The following GREM2 variants were observed in gnomAD, a reference collection of about 807,000 sequenced individuals.
GREM2 encodes the protein gremlin 2, DAN family BMP antagonist, also known as gremlin-2.
A neutral mutation model predicts 14.2 loss-of-function variants in GREM2; 11 were observed. The observed-to-expected ratio is 0.78, with a 90% CI of 0.49 to 1.28. The LOEUF (loss-of-function observed/expected upper bound fraction) is 1.28. Ranked by LOEUF, GREM2 falls within the 50% of genes most tolerant of loss-of-function variation. GREM2 has a pLI of 0.00. For missense variants in GREM2, 210 were observed against 218.5 expected, an observed-to-expected ratio of 0.96 and a Z score of 0.24; for synonymous variants, 98 against 97.6, an observed-to-expected ratio of 1.00 and a Z score of -0.02.
At position 240,593,148 on chromosome 1, in the gene GREM2, A is replaced by C. The variant is rs939806457; in HGVS notation, c.-2+18736T>G. 6.4e-4 allele frequency among the ~76,000 whole-genome samples: 97 copies of C among 152,008 alleles called. 2 individuals are homozygous for C. Among genetic ancestry groups the C allele is most frequent in the Non-Finnish European group, 1.2e-4 (8 of 68,018 alleles). ...AACAAGAGTGAAACTCCATCTCAAG[A>C]AAAGAAAAAAATAAAATAAAATAAA... On this transcript the variant is annotated intron_variant, in intron 1 of 1. Coordinates refer to ENST00000318160, the MANE Select transcript of GREM2 (RefSeq NM_022469.4).
chr1:240,579,691 G>A (rs1030282794), intron 1 of GREM2, among the ~76,000 whole-genome samples: 1 of 152,160 alleles, frequency 6.6e-6, no homozygotes, highest in Non-Finnish European at 1.5e-5. Flanking sequence ...AAATGCTCAG[G>A]GAGTGCCAAC....
chr1:240,545,415 TTAAACG>T (rs1388921116), intron 1 of GREM2, among the ~76,000 whole-genome samples: 7 of 152,236 alleles, frequency 4.6e-5, no homozygotes, highest in Non-Finnish European at 1.0e-4. Flanking sequence ...AATAAACCAG[TTAAACG>T]TAAGTAAAGT....
In GREM2 at chr1:240,535,798, C is replaced by CAA. The variant is rs71170755; in HGVS notation, c.-1-42324_-1-42323dup. On this transcript the variant is annotated intron_variant, in intron 1 of 1. Transcript: ENST00000318160. Reference sequence around the variant, plus strand: ...TAGATGATAAAGGGAGACTCCATCGCAAAAAAAAAAAAAAGAAAGAAAAAA... The same window carrying CAA: ...TAGATGATAAAGGGAGACTCCATCGCAAAAAAAAAAAAAAAAGAAAGAAAAAA... Among the ~76,000 whole-genome samples the CAA allele has an allele frequency of 5.5e-3, 712 of 129,568 alleles. 7 individuals are homozygous for CAA. The highest frequency in any genetic ancestry group is 0.014 in the African/African-American group (496 of 34,254). The allele number at this position is 129,568 out of a possible 152,430, so 85.0% of individuals were successfully genotyped here. A position where few individuals can be genotyped will look rare whatever the true frequency, so the allele number is the denominator to read the frequency against.
intron 1 of GREM2, among the ~76,000 whole-genome samples, chr1:240,586,986 T>C (rs558581817): frequency 6.6e-6 from 1 of 152,300 alleles, no homozygotes; most frequent in South Asian, 2.1e-4. Context: ...TGGAAATATA[T>C]ATAACATACA....
Position 240,548,374 on chromosome 1 carries a change from C to G in GREM2, c.-1-54898G>C, listed in dbSNP as rs1317335125. Among the ~76,000 whole-genome samples, 5 of 152,112 alleles carry G rather than the reference C, an allele frequency of 3.3e-5. No homozygotes were observed. In the East Asian group the frequency reaches 7.7e-4, roughly 23 times the overall value. The stretch of plus-strand genomic sequence containing the variant: ...AAGACTCTAAAATTTTCTTCTTAAA[C>G]AACTCCCCATGTCTTTTCCAATTCT... On this transcript the variant is annotated intron_variant, in intron 1 of 1. Coordinates refer to ENST00000318160, the MANE Select transcript of GREM2 (RefSeq NM_022469.4).
chr1:240,534,599 AG>A (rs777309343), intron 1 of GREM2, among the ~76,000 whole-genome samples: 26 of 151,754 alleles, frequency 1.7e-4, no homozygotes, highest in Non-Finnish European at 3.4e-4. Context: ...AGGCTGAGGC[AG>A]GAGAATCACT....
At chr1:240,552,064 A>G (rs1417340814) in intron 1 of GREM2, among the ~76,000 whole-genome samples, 1 of 152,190 alleles carries the variant, frequency 6.6e-6, no homozygotes, top group East Asian at 1.9e-4. Context: ...TACTTCATAT[A>G]CTGGATGACC....
chr1:240,510,142 G>A (rs1432580912), intron 1 of GREM2, among the ~76,000 whole-genome samples: 3 of 152,066 alleles, frequency 2.0e-5, no homozygotes, highest in Non-Finnish European at 4.4e-5. Context: ...GGCCGAGGCG[G>A]GCGGATCACG....
At chr1:240,509,360 A>ATTTTT (rs564246660) in intron 1 of GREM2, among the ~76,000 whole-genome samples, 12 of 112,018 alleles carry the variant, frequency 1.1e-4, no homozygotes, top group East Asian at 3.6e-4. Flanking sequence ...AGCTCATTTG[A>ATTTTT]TTTTTTTTTT....
chr1:240,507,562 A>G (rs776249947), intron 1 of GREM2, among the ~76,000 whole-genome samples: 1 of 152,098 alleles, frequency 6.6e-6, no homozygotes, highest in East Asian at 1.9e-4. Context: ...CAAATTCCTG[A>G]CCTCAAGTGA....
intron 1 of GREM2, among the ~76,000 whole-genome samples, chr1:240,508,216 G>A (rs915331943): frequency 6.6e-6 from 1 of 152,070 alleles, no homozygotes; most frequent in Non-Finnish European, 1.5e-5. Context: ...ACAGGTCCTG[G>A]ACACATAGTA....
At chr1:240,550,491 T>C (rs1678825445) in intron 1 of GREM2, 1 of 152,248 alleles carries the variant, frequency 6.6e-6, no homozygotes, top group South Asian at 2.1e-4. Flanking sequence ...TGAATGTGAG[T>C]GTGACCCAGG....
intron 1 of GREM2, among the ~76,000 whole-genome samples, chr1:240,566,267 A>G (rs1679176335): frequency 6.6e-6 from 1 of 152,236 alleles, no homozygotes. Flanking sequence ...TGCCTGAAAC[A>G]GTTAAAACCA....
At chr1:240,560,837 G>A (rs896224171) in intron 1 of GREM2, among the ~76,000 whole-genome samples, 1 of 151,992 alleles carries the variant, frequency 6.6e-6, no homozygotes, top group African/African-American at 2.4e-5. Flanking sequence ...TAATCATCTG[G>A]CTCCTTATAA....
chr1:240,528,345 A>G (rs181050024), intron 1 of GREM2, among the ~76,000 whole-genome samples: 91 of 152,260 alleles, frequency 6.0e-4, no homozygotes, highest in African/African-American at 2.1e-3. Flanking sequence ...GGATTTTACT[A>G]TGTGAATTTC....
At chr1:240,560,180 A>C (rs997971484) in intron 1 of GREM2, among the ~76,000 whole-genome samples, 5 of 152,174 alleles carry the variant, frequency 3.3e-5, no homozygotes, top group Admixed American at 6.5e-5. Context: ...TATGGTTAAG[A>C]ATTTTTACCG....
intron 1 of GREM2, among the ~76,000 whole-genome samples, chr1:240,500,749 G>A (rs1049574956): frequency 3.9e-5 from 6 of 152,174 alleles, no homozygotes; most frequent in Non-Finnish European, 8.8e-5. Context: ...TATTCATTCA[G>A]CTTATGGAGG....
At chr1:240,500,215 C>T (rs934493341) in intron 1 of GREM2, among the ~76,000 whole-genome samples, 3 of 152,186 alleles carry the variant, frequency 2.0e-5, no homozygotes, top group African/African-American at 7.2e-5. Context: ...AGATGACCAG[C>T]ATCCCAAAGT....
intron 1 of GREM2, among the ~76,000 whole-genome samples, chr1:240,534,933 AAC>A (rs1678444623): frequency 6.6e-6 from 1 of 152,044 alleles, no homozygotes; most frequent in Admixed American, 6.6e-5. Flanking sequence ...TGAGGGAAGA[AAC>A]ACAGCAGGAC....
Sources: allele counts gnomAD v4.1 joint callset (sites outside exome capture counted in the v4.1 genomes callset), GRCh38; gene constraint gnomAD v4.1.1; transcripts MANE v1.5; gene names NCBI Gene and HGNC (gene_info 2026-07-23, HGNC 2026-07-21).